CDH6: variants seen among roughly 807,000 people sequenced by gnomAD.
CDH6 encodes cadherin-6.
In CDH6, 31 loss-of-function variants were observed where a neutral mutation model predicts 78.0. That is an observed-to-expected ratio of 0.40 (90% CI 0.30 to 0.54). The LOEUF is 0.54. CDH6 is among the 20% of genes least tolerant of loss of function. The pLI is 0.56. For missense variants in CDH6, 724 were observed against 975.9 expected, an observed-to-expected ratio of 0.74 and a Z score of 3.44; for synonymous variants, 376 against 368.8, an observed-to-expected ratio of 1.02 and a Z score of -0.23.
At chr5:31,225,507 A>G (rs571240410) in intron 1 of CDH6, among the ~76,000 whole-genome samples, 18 of 152,304 alleles carry the variant, frequency 1.2e-4, no homozygotes, top group Non-Finnish European at 2.4e-4. Context: ...TACAGGAAGC[A>G]TGGCAGAGGA....
chr5:31,203,202 G>A (rs900693000), intron 1 of CDH6, among the ~76,000 whole-genome samples: 15 of 143,254 alleles, frequency 1.0e-4, no homozygotes, highest in Admixed American at 5.5e-4. Context: ...TTTATAAAGC[G>A]AGAGAGAGAG....
At chr5:31,249,855 C>T (rs1237074913) in intron 1 of CDH6, 2 of 152,480 alleles carry the variant, frequency 1.3e-5, no homozygotes, top group East Asian at 1.9e-4. Flanking sequence ...AGGGATTGGA[C>T]CAACACTTCA....
chr5:31,319,308 G>A (rs1444872976), intron 11 of CDH6, among the ~76,000 whole-genome samples: 1 of 152,008 alleles, frequency 6.6e-6, no homozygotes, highest in Non-Finnish European at 1.5e-5. Context: ...ACTTGTAATT[G>A]GCCTCAGTGC....
intron 1 of CDH6, among the ~76,000 whole-genome samples, chr5:31,236,989 C>T (rs116559086): frequency 0.016 from 2,465 of 152,092 alleles, 73 homozygotes; most frequent in African/African-American, 0.056. Context: ...TAGATTTGTA[C>T]GTTTAAGAAT....
chr5:31,259,108 A>T (rs1742140606), intron 1 of CDH6, among the ~76,000 whole-genome samples: 1 of 152,224 alleles, frequency 6.6e-6, no homozygotes, highest in Non-Finnish European at 1.5e-5. Flanking sequence ...CTAGCACATA[A>T]CAAGTTCAGG....
At chr5:31,205,408 C>G (rs1002804958) in intron 1 of CDH6, among the ~76,000 whole-genome samples, 3 of 152,136 alleles carry the variant, frequency 2.0e-5, no homozygotes, top group African/African-American at 7.2e-5. Flanking sequence ...AATAACGGAG[C>G]CACCAGCCCT....
intron 1 of CDH6, among the ~76,000 whole-genome samples, chr5:31,218,531 A>G (rs1269414489): frequency 6.6e-6 from 1 of 152,080 alleles, no homozygotes; most frequent in Non-Finnish European, 1.5e-5. Context: ...TGTTCTTGCT[A>G]TCTTCCCCCA....
At chr5:31,317,180 C>A (rs1429380090) in intron 9 of CDH6, among the ~76,000 whole-genome samples, 195 bp from the exon 10 acceptor site, 2 of 152,164 alleles carry the variant, frequency 1.3e-5, no homozygotes, top group East Asian at 3.9e-4. Context: ...CCTACAGTGT[C>A]CCCACAACAA....
At chr5:31,314,995 C>T (rs142518634) in intron 8 of CDH6, among the ~76,000 whole-genome samples, 4 of 152,196 alleles carry the variant, frequency 2.6e-5, no homozygotes, top group African/African-American at 7.2e-5. Flanking sequence ...ATAACAGAAA[C>T]CAAAAGCTTG....
intron 1 of CDH6, among the ~76,000 whole-genome samples, chr5:31,257,455 G>T (rs564253392): frequency 7.9e-5 from 12 of 152,178 alleles, no homozygotes; most frequent in Non-Finnish European, 1.3e-4. Flanking sequence ...GAGCCACCGC[G>T]CCTGGCCACA....
chr5:31,289,902 C>T (rs1743109404), intron 2 of CDH6, among the ~76,000 whole-genome samples: 1 of 152,070 alleles, frequency 6.6e-6, no homozygotes, highest in African/African-American at 2.4e-5. Context: ...GGTTTTGGTC[C>T]CACCCACCAT....
intron 1 of CDH6, among the ~76,000 whole-genome samples, chr5:31,200,172 G>A (rs1441035499): frequency 6.6e-6 from 1 of 152,166 alleles, no homozygotes; most frequent in Non-Finnish European, 1.5e-5. Flanking sequence ...TATAATTGTA[G>A]TAGAAAGCAT....
At chr5:31,229,134 C>T (rs1741245023) in intron 1 of CDH6, among the ~76,000 whole-genome samples, 1 of 152,204 alleles carries the variant, frequency 6.6e-6, no homozygotes, top group Admixed American at 6.5e-5. Context: ...TTTATTTAAT[C>T]TACAACACAG....
intron 1 of CDH6, among the ~76,000 whole-genome samples, chr5:31,240,708 T>A (rs997986210): frequency 2.0e-5 from 3 of 152,342 alleles, no homozygotes; most frequent in Admixed American, 6.5e-5. Context: ...GTGCTAGGAT[T>A]CATTCCGATT....
chr5:31,297,208 A>T, intron 3 of CDH6, 81 bp from the exon 4 acceptor site: 2 of 1,211,054 alleles, frequency 1.7e-6, no homozygotes, highest in Non-Finnish European at 2.4e-6. Context: ...ATACAAAATT[A>T]AGATCGTGCT....
intron 2 of CDH6, among the ~76,000 whole-genome samples, chr5:31,293,655 C>T (rs183085175): frequency 2.2e-4 from 33 of 152,216 alleles, no homozygotes; most frequent in African/African-American, 7.2e-4. Flanking sequence ...ATTCCAGCCA[C>T]CCTAATACGT....
intron 11 of CDH6, among the ~76,000 whole-genome samples, chr5:31,321,328 T>C (rs1738473859): frequency 6.6e-6 from 1 of 152,168 alleles, no homozygotes; most frequent in Admixed American, 6.5e-5. Context: ...AACCACACAC[T>C]TGAAAGTGGC....
intron 2 of CDH6, among the ~76,000 whole-genome samples, chr5:31,291,482 T>C (rs1373488047): frequency 1.3e-5 from 2 of 152,210 alleles, no homozygotes; most frequent in East Asian, 1.9e-4. Flanking sequence ...AGCCTGGCCA[T>C]GTAGCTCTTA....
At chr5:31,264,837 T>C (rs1742297887) in intron 1 of CDH6, among the ~76,000 whole-genome samples, 1 of 152,170 alleles carries the variant, frequency 6.6e-6, no homozygotes, top group Non-Finnish European at 1.5e-5. Context: ...CATTACCAAC[T>C]AAGAAAAAGA....
Sources: gnomAD v4.1 joint callset for allele counts (sites outside exome capture counted in the v4.1 genomes callset) on GRCh38, gnomAD v4.1.1 for gene constraint, MANE v1.5 for transcripts, NCBI Gene and HGNC (gene_info 2026-07-23, HGNC 2026-07-21) for gene names.